GNG7: variants seen among roughly 807,000 people sequenced by gnomAD.
The protein encoded by GNG7 is guanine nucleotide-binding protein G(I)/G(S)/G(O) subunit gamma-7.
In GNG7, 1 loss-of-function variant was observed where a neutral mutation model predicts 4.0. The observed-to-expected ratio is 0.25, with a 90% CI of 0.09 to 1.18. The LOEUF is 1.18. Among genes scored for constraint, GNG7 ranks in the 50% most tolerant of loss-of-function variants. The pLI is 0.50. For synonymous variants in GNG7, 34 were observed against 36.9 expected (o/e 0.92, Z 0.29); for missense variants, 86 against 91.9 (o/e 0.94, Z 0.26).
intron 2 of GNG7, chr19:2,630,678 C>T (rs1405967241): frequency 1.3e-5 from 2 of 151,872 alleles, no homozygotes; most frequent in Non-Finnish European, 2.9e-5. Flanking sequence ...CCACACAAAC[C>T]TTCGGATGAG....
At chr19:2,595,509 G>A (rs1980990247) in intron 2 of GNG7, among the ~76,000 whole-genome samples, 1 of 151,882 alleles carries the variant, frequency 6.6e-6, no homozygotes, top group Admixed American at 6.6e-5. Flanking sequence ...CGAGGCGGGT[G>A]GATTGCCTGA....
chr19:2,639,623 C>T (rs113125046), intron 2 of GNG7, among the ~76,000 whole-genome samples: 383 of 10,330 alleles, frequency 0.037, 7 homozygotes, highest in African/African-American at 0.37. Context: ...CACATCCACT[C>T]GCAGGAATTT....
At chr19:2,678,288 G>T (rs1017466615) in intron 1 of GNG7, among the ~76,000 whole-genome samples, 1 of 152,216 alleles carries the variant, frequency 6.6e-6, no homozygotes, top group Admixed American at 6.5e-5. Context: ...AGATATACAA[G>T]AAGTGAAAGG....
In GNG7 at chr19:2,653,976, G is replaced by A. The variant is rs1432640666; in HGVS notation, c.-134-7696C>T. ...TTCCAGAAGATGTGCCCAGCACCCT[G>A]GGCCCCCCACCGCCGGGTCTGGGAC... On this transcript the variant is annotated intron_variant, in intron 1 of 4. Transcript: ENST00000382159. The surrounding 1 kb of genome is among the most constrained non-coding windows in gnomAD (Gnocchi z 4.8). 6.6e-6 allele frequency among the ~76,000 whole-genome samples: 1 copy of A among 152,194 alleles called. No individual in the cohort carries two copies. Among genetic ancestry groups the A allele is most frequent in the Non-Finnish European group, 1.5e-5 (1 of 68,034 alleles).
chr19:2,579,619 T>C (rs780327402), intron 2 of GNG7, among the ~76,000 whole-genome samples: 1 of 152,218 alleles, frequency 6.6e-6, no homozygotes, highest in Non-Finnish European at 1.5e-5. Context: ...CAGCTCCGCC[T>C]GCTGGTCACC....
intron 4 of GNG7, among the ~76,000 whole-genome samples, 155 bp downstream of exon 4, chr19:2,520,453 G>A (rs1004656682): frequency 6.6e-6 from 1 of 152,194 alleles, no homozygotes; most frequent in Non-Finnish European, 1.5e-5. Context: ...CCGAGGAAAT[G>A]GAGGCTCAGA....
chr19:2,616,028 G>A (rs1045630643), intron 2 of GNG7, among the ~76,000 whole-genome samples: 3 of 152,200 alleles, frequency 2.0e-5, no homozygotes, highest in African/African-American at 7.2e-5. Flanking sequence ...GGTGCCAGCA[G>A]GGAACAGGGC....
At position 2,614,937 on chromosome 19, in the gene GNG7, A is replaced by C. The variant is rs1161393687; in HGVS notation, c.-78+31287T>G. ...TGCCAAGGCGTTCCTCAGCTTTTAA[A>C]CAAGGCACTGAGGCAGGAGGCAGGC... On this transcript the variant is annotated intron_variant, in intron 2 of 4. Transcript: ENST00000382159. This position sits in a 1 kb window ranked among gnomAD's most constrained non-coding sequence, Gnocchi z 6.0. Among the ~76,000 whole-genome samples the C allele has an allele frequency of 6.6e-6, 1 of 152,156 alleles. No homozygotes were observed. The highest frequency in any genetic ancestry group is 1.5e-5 in the Non-Finnish European group (1 of 68,034).
chr19:2,668,981 AAT>A, intron 1 of GNG7, among the ~76,000 whole-genome samples: 1 of 152,144 alleles, frequency 6.6e-6, no homozygotes, highest in Non-Finnish European at 1.5e-5. Context: ...ACGGTCCCAC[AAT>A]ATCCAGCTTA....
In GNG7 at chr19:2,614,053, C is replaced by CG. The variant is rs1981651166; in HGVS notation, c.-78+32170dup. On this transcript the variant is annotated intron_variant, in intron 2 of 4. Coordinates refer to ENST00000382159, the MANE Select transcript of GNG7 (RefSeq NM_052847.3). This position sits in a 1 kb window ranked among gnomAD's most constrained non-coding sequence, Gnocchi z 6.0. Reference sequence around the variant, plus strand: ...GGAACTCGGGCCCCGCGCCTACCCCCGGGGTAAAGGGGGCCAGCCTCGCAC... The same window carrying CG: ...GGAACTCGGGCCCCGCGCCTACCCCCGGGGGTAAAGGGGGCCAGCCTCGCAC... 6.6e-6 allele frequency among the ~76,000 whole-genome samples: 1 copy of CG among 152,236 alleles called. No homozygotes were observed. Among genetic ancestry groups the CG allele is most frequent in the South Asian group, 2.1e-4 (1 of 4,834 alleles).
intron 4 of GNG7, among the ~76,000 whole-genome samples, chr19:2,519,988 T>C (rs575685129): frequency 6.6e-6 from 1 of 152,292 alleles, no homozygotes; most frequent in Non-Finnish European, 1.5e-5. Flanking sequence ...AAGACCAGCC[T>C]GGGCAACATG....
At chr19:2,575,952 G>A (rs1980320991) in intron 2 of GNG7, among the ~76,000 whole-genome samples, 2 of 113,332 alleles carry the variant, frequency 1.8e-5, no homozygotes, top group African/African-American at 1.4e-4. Flanking sequence ...CACAAAGGCA[G>A]ACACATGCAG....
chr19:2,578,399 TA>T (rs1289791535), intron 2 of GNG7, among the ~76,000 whole-genome samples: 1 of 152,176 alleles, frequency 6.6e-6, no homozygotes, highest in African/African-American at 2.4e-5. Flanking sequence ...TTGTATTTGA[TA>T]GAATCTCTTC....
At chr19:2,648,202 C>T (rs954194086) in intron 1 of GNG7, among the ~76,000 whole-genome samples, 3 of 151,784 alleles carry the variant, frequency 2.0e-5, no homozygotes, top group African/African-American at 7.3e-5. Context: ...GCCTGGGCAA[C>T]ATAGCAAGAC....
intron 1 of GNG7, among the ~76,000 whole-genome samples, chr19:2,669,274 G>A (rs901420456): frequency 4.6e-5 from 7 of 151,776 alleles, no homozygotes; most frequent in South Asian, 2.1e-4. Context: ...GGCAGATCAC[G>A]AGGTCGGGAG....
intron 1 of GNG7, among the ~76,000 whole-genome samples, chr19:2,649,871 C>T (rs567544900): frequency 6.6e-6 from 1 of 151,692 alleles, no homozygotes; most frequent in East Asian, 2.0e-4. Flanking sequence ...AGCCCCCGAT[C>T]CCCAGCCCCG....
chr19:2,658,731 A>T (rs142130348), intron 1 of GNG7, among the ~76,000 whole-genome samples: 5 of 151,828 alleles, frequency 3.3e-5, no homozygotes, highest in African/African-American at 1.2e-4. Context: ...CCAAATGTAA[A>T]CTGTAGCTGT....
chr19:2,682,920 T>A (rs1032129868), intron 1 of GNG7, among the ~76,000 whole-genome samples: 1 of 151,734 alleles, frequency 6.6e-6, no homozygotes, highest in Non-Finnish European at 1.5e-5. Flanking sequence ...TCTAGAAGAT[T>A]CCATCCTGGG....
chr19:2,652,721 G>C (rs1288338699), intron 1 of GNG7, among the ~76,000 whole-genome samples: 1 of 152,096 alleles, frequency 6.6e-6, no homozygotes, highest in African/African-American at 2.4e-5. Flanking sequence ...GGGGGTCAGA[G>C]GATACATAGT....
Sources: allele counts gnomAD v4.1 joint callset (sites outside exome capture counted in the v4.1 genomes callset), GRCh38; gene constraint gnomAD v4.1.1; non-coding constraint Gnocchi (gnomAD v3.1); transcripts MANE v1.5; gene names NCBI Gene and HGNC (gene_info 2026-07-23, HGNC 2026-07-21).